Variants in IL4 observed in about 807,000 individuals in gnomAD.
IL4 encodes the protein interleukin-4.
In IL4, 10 loss-of-function variants were observed where a neutral mutation model predicts 17.4. That is an observed-to-expected ratio of 0.57 (90% CI 0.35 to 0.97). IL4 has a LOEUF of 0.97. Among genes scored for constraint, IL4 ranks in the 50% least tolerant of loss-of-function variants. The pLI is 0.01. For synonymous variants in IL4, 87 were observed against 79.0 expected (o/e 1.10, Z -0.54); for missense variants, 174 against 187.7 (o/e 0.93, Z 0.43).
Position 132,682,581 on chromosome 5 carries a change from G to C in IL4, c.456G>C (p.Ser152=). 3 of 1,560,076 alleles carry C rather than the reference G, an allele frequency of 1.9e-6. No individual in the cohort carries two copies. Among genetic ancestry groups the C allele is most frequent in the Non-Finnish European group, 2.6e-6 (3 of 1,137,412 alleles). The change falls in exon 4 of 4, where the codon TCG becomes TCC. Residue 152 remains serine (S), a synonymous_variant. Transcript: ENST00000231449. ...TIMREKYSKC[S]S ...TGAGAGAGAAATATTCAAAGTGTTC[G>C]AGCTGAATATTTTAATTTATGAGTT...
At chr5:132,675,862 TG>T (rs1752367961) in intron 2 of IL4, among the ~76,000 whole-genome samples, 1 of 149,058 alleles carries the variant, frequency 6.7e-6, no homozygotes, top group Non-Finnish European at 1.5e-5. Context: ...TGTGTGTGTG[TG>T]TGTGTGTGTG....
intron 3 of IL4, among the ~76,000 whole-genome samples, chr5:132,681,231 A>C (rs1312710573): frequency 6.6e-6 from 1 of 152,218 alleles, no homozygotes; most frequent in Non-Finnish European, 1.5e-5. Context: ...GGATCCAGCC[A>C]AGGGGCCTGA....
rs199810573 is a variant in IL4 at position 132,674,040 on chromosome 5, G to C, written c.-11G>C. ...TTGCCTCACATTGTCACTGCAAATC[G>C]ACACCTATTAATGGGTCTCACCTCC... On this transcript the variant is annotated 5_prime_UTR_variant, in exon 1 of 4. Transcript: ENST00000231449. The C allele has an allele frequency of 5.6e-6, 9 of 1,613,280 alleles. No individual in the cohort carries two copies. Among genetic ancestry groups the C allele is most frequent in the Non-Finnish European group, 6.8e-6 (8 of 1,179,522 alleles).
Position 132,674,519 on chromosome 5 carries a change from C to G in IL4, c.183+13C>G. The G allele has an allele frequency of 6.2e-7, 1 of 1,611,256 alleles. No individual in the cohort carries two copies. On this transcript the variant is annotated intron_variant, in intron 2 of 3. Coordinates refer to ENST00000231449, the MANE Select transcript of IL4 (RefSeq NM_000589.4). ...TGCTGCCTCCAAGGTAAGAAGCCGT[C>G]CCACGGTCTGTTTTAGCAAATGGGG...
chr5:132,678,139 TAA>T (rs1752417285), intron 2 of IL4, among the ~76,000 whole-genome samples: 1 of 152,218 alleles, frequency 6.6e-6, no homozygotes, highest in African/African-American at 2.4e-5. Context: ...CCTACATAAA[TAA>T]GAGATGAACA....
At chr5:132,675,260 C>T (rs1752355738) in intron 2 of IL4, among the ~76,000 whole-genome samples, 2 of 152,194 alleles carry the variant, frequency 1.3e-5, no homozygotes, top group South Asian at 4.1e-4. Flanking sequence ...TAGTTTTGTG[C>T]ATTTCAGTTC....
At chr5:132,677,264 A>C (rs560876425) in intron 2 of IL4, among the ~76,000 whole-genome samples, 1 of 152,326 alleles carries the variant, frequency 6.6e-6, no homozygotes, top group South Asian at 2.1e-4. Flanking sequence ...GCCACAGAAG[A>C]AATCTCCCAA....
At chr5:132,675,917 A>ATGTGTGTGTGTGTG (rs1321831614) in intron 2 of IL4, among the ~76,000 whole-genome samples, 1 of 80,068 alleles carries the variant, frequency 1.2e-5, no homozygotes, top group Non-Finnish European at 2.1e-5. Context: ...GTATGTATAT[A>ATGTGTGTGTGTGTG]TGTGTATGTA....
intron 2 of IL4, among the ~76,000 whole-genome samples, chr5:132,676,279 T>C (rs1191604808): frequency 6.6e-6 from 1 of 152,194 alleles, no homozygotes. Flanking sequence ...GCAAGGTTGA[T>C]TGGAATCCAG....
intron 2 of IL4, among the ~76,000 whole-genome samples, chr5:132,678,255 C>G (rs376564598): frequency 4.4e-4 from 67 of 152,326 alleles, no homozygotes; most frequent in African/African-American, 1.6e-3. Context: ...TGCGTTTCTA[C>G]GCAGCTCTCA....
chr5:132,679,735 T>C lies in IL4; in HGVS notation c.205T>C (p.Phe69Leu). The C allele has an allele frequency of 6.2e-7, 1 of 1,613,680 alleles. No homozygotes were observed. The highest frequency in any genetic ancestry group is 1.1e-5 in the South Asian group (1 of 90,976). The change falls in exon 3 of 4, where the codon TTC becomes CTC. Residue 69 changes from phenylalanine (F) to leucine (L), a missense_variant. Transcript: ENST00000231449. ...ASKNTTEKET[F>L]CRAATVLRQF... Reference sequence around the variant, plus strand: ...CCAGAACACAACTGAGAAGGAAACCTTCTGCAGGGCTGCGACTGTGCTCCG... The same window carrying C: ...CCAGAACACAACTGAGAAGGAAACCCTCTGCAGGGCTGCGACTGTGCTCCG...
At chr5:132,675,730 T>C (rs1487231954) in intron 2 of IL4, among the ~76,000 whole-genome samples, 1 of 151,944 alleles carries the variant, frequency 6.6e-6, no homozygotes, top group Non-Finnish European at 1.5e-5. Flanking sequence ...TGTATTTTTT[T>C]GTAGAGATGG....
At chr5:132,679,691 A>G in intron 2 of IL4, 23 bp from the exon 3 acceptor site, 2 of 1,592,490 alleles carry the variant, frequency 1.3e-6, no homozygotes, top group Non-Finnish European at 1.7e-6. Flanking sequence ...GCACATTGCT[A>G]TCTGTGGCAT....
intron 3 of IL4, 47 bp downstream of exon 3, chr5:132,679,937 G>C: frequency 6.6e-7 from 1 of 1,520,910 alleles, no homozygotes; most frequent in Non-Finnish European, 9.0e-7. Context: ...GGCTCCTGGT[G>C]GACAGCAGCC....
At chr5:132,676,014 C>A (rs2243254) in intron 2 of IL4, among the ~76,000 whole-genome samples, 7 of 151,016 alleles carry the variant, frequency 4.6e-5, no homozygotes, top group Admixed American at 1.3e-4. Flanking sequence ...AAGAGTCCAC[C>A]GGGTTGAGCA....
intron 2 of IL4, among the ~76,000 whole-genome samples, chr5:132,675,234 A>G (rs571297592): frequency 2.0e-5 from 3 of 152,304 alleles, no homozygotes; most frequent in Admixed American, 6.5e-5. Context: ...CAAACACATG[A>G]CTACAGCCGT....
intron 2 of IL4, among the ~76,000 whole-genome samples, chr5:132,679,144 T>G (rs1038512956): frequency 6.6e-6 from 1 of 152,218 alleles, no homozygotes; most frequent in Non-Finnish European, 1.5e-5. Context: ...ACTTGGGCCA[T>G]GTGCTGCTCT....
At chr5:132,676,690 TTAAGA>T (rs543333938) in intron 2 of IL4, among the ~76,000 whole-genome samples, 95 of 152,346 alleles carry the variant, frequency 6.2e-4, no homozygotes, top group African/African-American at 2.3e-3. Flanking sequence ...TACTTACATG[TTAAGA>T]TATTTCAGAA....
intron 2 of IL4, 97 bp from the exon 3 acceptor site, chr5:132,679,617 T>C (rs964052145): frequency 1.1e-5 from 12 of 1,108,112 alleles, no homozygotes; most frequent in Non-Finnish European, 1.6e-5. Flanking sequence ...CTCACCTCCA[T>C]TTGTCCTCCT....
Sources: allele counts gnomAD v4.1 joint callset (sites outside exome capture counted in the v4.1 genomes callset), GRCh38; gene constraint gnomAD v4.1.1; transcripts MANE v1.5; gene names NCBI Gene and HGNC (gene_info 2026-07-23, HGNC 2026-07-21).